Variants in CHRDL2 observed in about 807,000 individuals in gnomAD.
CHRDL2 encodes the protein chordin like 2, also known as chordin-like protein 2.
A neutral mutation model predicts 54.3 loss-of-function variants in CHRDL2; 41 were observed. That is an observed-to-expected ratio of 0.76 (90% CI 0.59 to 0.98). The LOEUF is 0.98. CHRDL2 is among the 50% of genes least tolerant of loss of function. The probability of loss-of-function intolerance (pLI) is 0.00; values close to 1 mark genes in which losing one functional copy is unlikely to be tolerated. For synonymous variants in CHRDL2, 220 were observed against 224.3 expected, an observed-to-expected ratio of 0.98 and a Z score of 0.17; for missense variants, 518 against 562.4, an observed-to-expected ratio of 0.92 and a Z score of 0.80.
At chr11:74,716,561 A>G (rs1233644666) in intron 2 of CHRDL2, among the ~76,000 whole-genome samples, 1 of 149,040 alleles carries the variant, frequency 6.7e-6, no homozygotes, top group Non-Finnish European at 1.5e-5. Flanking sequence ...AAAAAAAAAG[A>G]AAGAAAAGAA....
chr11:74,697,316 A>G lies in CHRDL2; in HGVS notation c.1121-19T>C. 2 of 1,604,522 alleles carry G rather than the reference A, an allele frequency of 1.2e-6. No homozygotes were observed. Among genetic ancestry groups the G allele is most frequent in the Non-Finnish European group, 1.7e-6 (2 of 1,171,998 alleles). The stretch of plus-strand genomic sequence containing the variant: ...AAGATTCCTGAGGGCAGAGACAAGG[A>G]TGTGAGCAGGCAAGGCAAAAACCTA... On this transcript the variant is annotated intron_variant, in intron 9 of 10. Transcript: ENST00000376332.
At chr11:74,707,049 G>A (rs2034033591) in intron 5 of CHRDL2, among the ~76,000 whole-genome samples, 1 of 152,120 alleles carries the variant, frequency 6.6e-6, no homozygotes, top group African/African-American at 2.4e-5. Context: ...CACCCTGCCA[G>A]TCCCTATTCC....
At chr11:74,729,578 C>A (rs1214827794) in intron 1 of CHRDL2, among the ~76,000 whole-genome samples, 1 of 152,198 alleles carries the variant, frequency 6.6e-6, no homozygotes, top group African/African-American at 2.4e-5. Context: ...ACTCAGCCTG[C>A]TCTCATGAGC....
chr11:74,713,445 G>A lies in CHRDL2; in HGVS notation c.230C>T (p.Pro77Leu), dbSNP rs144018357. Residue 77 changes from proline to leucine, a missense_variant, in exon 3 of 11, where the codon CCG (proline) becomes CTG (leucine). Physicochemically the swap from Pro to Leu is moderately conservative, Grantham distance 98 (BLOSUM62 -3). Coordinates refer to ENST00000376332, the MANE Select transcript of CHRDL2 (RefSeq NM_001278473.3). ...CACAGGCTGGGGGCAGTGGACAGGC[G>A]GACAGTGGAGGCGGTAACAACTCAC... ...AHVSCYRLHC[P>L]PVHCPQPVTE... The A allele has an allele frequency of 1.2e-4, 199 of 1,614,008 alleles. No homozygotes were observed. The highest frequency in any genetic ancestry group is 1.4e-4 in the Non-Finnish European group (171 of 1,180,010).
chr11:74,722,127 C>T (rs895888080), intron 1 of CHRDL2, among the ~76,000 whole-genome samples: 3 of 152,106 alleles, frequency 2.0e-5, no homozygotes, highest in Admixed American at 6.5e-5. Context: ...ACAGGTGTGT[C>T]ACCTGAGTGT....
Position 74,696,600 on chromosome 11 carries a change from G to A in CHRDL2, c.1214-15C>T, listed in dbSNP as rs2033600426. 3 of 1,599,848 alleles carry A rather than the reference G, an allele frequency of 1.9e-6. No homozygotes were observed. The highest frequency in any genetic ancestry group is 2.6e-6 in the Non-Finnish European group (3 of 1,167,628). ...GTTCCAGTGACCTGCATGGAGGAGG[G>A]CAGAAGAGGGAAGAGGCGTATGTGT... On this transcript the variant is annotated splice_polypyrimidine_tract_variant and intron_variant, in intron 10 of 10. Transcript: ENST00000376332.
intron 1 of CHRDL2, among the ~76,000 whole-genome samples, chr11:74,723,018 C>T (rs1212967471): frequency 6.6e-6 from 1 of 152,082 alleles, no homozygotes; most frequent in African/African-American, 2.4e-5. Context: ...ACTGTGCTCA[C>T]AGGAATGGAG....
chr11:74,706,086 C>T (rs1282042669), intron 6 of CHRDL2, among the ~76,000 whole-genome samples: 1 of 152,068 alleles, frequency 6.6e-6, no homozygotes, highest in African/African-American at 2.4e-5. Flanking sequence ...GAGAGGCAGG[C>T]TCTAAAGAGC....
Position 74,703,462 on chromosome 11 carries a change from C to T in CHRDL2, c.789G>A (p.Glu263=), listed in dbSNP as rs759625489. ...AGGCACGGAAGGCCGGGTGCCACACCTCCCCGTGGGAGTACGTCTTCCCGC... is the reference window on the plus strand; with the variant it reads ...AGGCACGGAAGGCCGGGTGCCACACTTCCCCGTGGGAGTACGTCTTCCCGC... ...VHGGKTYSHG[E]VWHPAFRAFG... Residue 263 remains glutamate (E), a synonymous_variant, in exon 8 of 11, where the codon GAG becomes GAA. Transcript: ENST00000376332. 1.9e-6 allele frequency: 3 copies of T among 1,610,962 alleles called. No homozygotes were observed. The African/African-American group carries it at 4.0e-5, about 22-fold the overall frequency.
In CHRDL2 at chr11:74,731,346, G is replaced by C. The variant is rs2034652101; in HGVS notation, c.-458C>G. 2 of 148,184 alleles carry C rather than the reference G, an allele frequency of 1.3e-5. No homozygotes were observed. Among genetic ancestry groups the C allele is most frequent in the Non-Finnish European group, 3.0e-5 (2 of 66,296 alleles). 9.2% of individuals were successfully genotyped at this position (148,184 alleles called of 1,614,324 possible). ...GTCGGGCCGCGGGGGCCTGGGGCCC[G>C]GCGGGGCGGCGGTCCCAGCAGCGGC... is the stretch of plus-strand genomic sequence containing the variant. On this transcript the variant is annotated 5_prime_UTR_variant, in exon 1 of 11. Coordinates refer to ENST00000376332, the MANE Select transcript of CHRDL2 (RefSeq NM_001278473.3). The surrounding 1 kb of genome is among the most constrained non-coding windows in gnomAD (Gnocchi z 4.4).
intron 9 of CHRDL2, among the ~76,000 whole-genome samples, chr11:74,700,107 T>C (rs4944938): frequency 0.12 from 18,105 of 152,300 alleles, 1,119 homozygotes; most frequent in Middle Eastern, 0.17. Context: ...TTTGAATCTT[T>C]GCTTTACTGC....
At chr11:74,709,248 T>G (rs973604010) in intron 4 of CHRDL2, among the ~76,000 whole-genome samples, 1 of 151,130 alleles carries the variant, frequency 6.6e-6, no homozygotes, top group African/African-American at 2.5e-5. Context: ...ACCCAGCATT[T>G]CTGTCTCTCG....
intron 1 of CHRDL2, among the ~76,000 whole-genome samples, chr11:74,727,631 C>G (rs1349353045): frequency 6.6e-6 from 1 of 152,062 alleles, no homozygotes; most frequent in Non-Finnish European, 1.5e-5. Flanking sequence ...TCTCAAACTC[C>G]TGGGCTCAAG....
chr11:74,697,369 C>A, intron 9 of CHRDL2, 72 bp from the exon 10 acceptor site: 1 of 1,119,710 alleles, frequency 8.9e-7, no homozygotes. Context: ...AACAGGGTGA[C>A]TTAGCACAGA....
chr11:74,703,495 A>G lies in CHRDL2; in HGVS notation c.756T>C (p.Cys252=). The G allele has an allele frequency of 1.3e-6, 2 of 1,594,572 alleles. No homozygotes were observed. Among genetic ancestry groups the G allele is most frequent in the African/African-American group, 2.7e-5 (2 of 74,792 alleles). Residue 252 remains cysteine (C), a synonymous_variant, in exon 8 of 11, where the codon TGT becomes TGC. Transcript: ENST00000376332. ...IVLKEKHKKA[C]VHGGKTYSHG... is the part of the protein sequence containing the mutation. The stretch of plus-strand genomic sequence containing the variant: ...GGGAGTACGTCTTCCCGCCATGCAC[A>G]CAGGCTGAATAAGGAGGGTGAGAAG...
intron 1 of CHRDL2, among the ~76,000 whole-genome samples, chr11:74,726,812 G>C (rs2034578955): frequency 6.6e-6 from 1 of 152,194 alleles, no homozygotes; most frequent in Non-Finnish European, 1.5e-5. Context: ...AGAGAAGTCA[G>C]CCTGGAGCCG....
rs144781214 is a variant in CHRDL2, at chr11:74,702,997, C to T, written c.947-30G>A. The stretch of plus-strand genomic sequence containing the variant: ...AGAGACAAGAAGCTCATGAAGTGTT[C>T]AATAAACGTTGGCTGTACCTCTTCA... On this transcript the variant is annotated intron_variant, in intron 8 of 10. Coordinates refer to ENST00000376332, the MANE Select transcript of CHRDL2 (RefSeq NM_001278473.3). The T allele has an allele frequency of 1.4e-5, 22 of 1,568,836 alleles. No individual in the cohort carries two copies. The East Asian group carries it at 4.5e-4, about 32-fold the overall frequency.
At chr11:74,706,451 C>G (rs2034011221) in intron 6 of CHRDL2, 36 bp downstream of exon 6, 3 of 1,600,234 alleles carry the variant, frequency 1.9e-6, no homozygotes, top group African/African-American at 3.0e-5. Flanking sequence ...TCCCAGCCCC[C>G]TGTCCCGCAC....
intron 2 of CHRDL2, among the ~76,000 whole-genome samples, chr11:74,716,941 A>C (rs1277900712): frequency 6.6e-6 from 1 of 152,120 alleles, no homozygotes; most frequent in Non-Finnish European, 1.5e-5. Flanking sequence ...AAAAATAACA[A>C]AAATTAGCTG....
Sources: gnomAD v4.1 joint callset for allele counts (sites outside exome capture counted in the v4.1 genomes callset) on GRCh38, gnomAD v4.1.1 for gene constraint, Gnocchi (gnomAD v3.1) non-coding constraint, MANE v1.5 for transcripts, NCBI Gene and HGNC (gene_info 2026-07-23, HGNC 2026-07-21) for gene names.